RELL1: variants seen among roughly 807,000 people sequenced by gnomAD.
The protein encoded by RELL1 is RELT like 1.
In RELL1, 10 loss-of-function variants were observed where a neutral mutation model predicts 23.0. The observed-to-expected ratio is 0.43, with a 90% CI of 0.27 to 0.74. The LOEUF (loss-of-function observed/expected upper bound fraction) is 0.74. RELL1 is among the 30% of genes least tolerant of loss of function. The pLI is 0.19. For synonymous variants in RELL1, 146 were observed against 146.8 expected (o/e 0.99, Z 0.04); for missense variants, 315 against 364.4 (o/e 0.86, Z 1.10).
chr4:37,629,036 A>G (rs141558383), intron 6 of RELL1, among the ~76,000 whole-genome samples: 1 of 152,332 alleles, frequency 6.6e-6, no homozygotes, highest in East Asian at 1.9e-4. Flanking sequence ...AGTGGTGGCC[A>G]AAATCAGCCA....
rs537478203 is a variant in RELL1, at chr4:37,682,193, A to G, written c.88+4007T>C. 4.6e-5 allele frequency among the ~76,000 whole-genome samples: 7 copies of G among 152,336 alleles called. No homozygotes were observed. The South Asian group carries it at 1.4e-3, about 32-fold the overall frequency. ...ACCGCCTGCACACAAACCAGGTAAT[A>G]ATAAAAATTGAATTCCTTTTTCCTA... On this transcript the variant is annotated intron_variant, in intron 1 of 6. Coordinates refer to ENST00000454158, the MANE Select transcript of RELL1 (RefSeq NM_001085400.2).
At chr4:37,659,485 A>T (rs1431996948) in intron 1 of RELL1, among the ~76,000 whole-genome samples, 1 of 152,140 alleles carries the variant, frequency 6.6e-6, no homozygotes, top group East Asian at 1.9e-4. Context: ...CATTTCTCAC[A>T]CCCAGTGGGC....
intron 1 of RELL1, among the ~76,000 whole-genome samples, chr4:37,682,201 T>C (rs1016254108): frequency 3.3e-5 from 5 of 152,180 alleles, no homozygotes; most frequent in African/African-American, 7.2e-5. Flanking sequence ...ATAATAAAAA[T>C]TGAATTCCTT....
At chr4:37,586,522 G>GA (rs1161037475), downstream of RELL1, among the ~76,000 whole-genome samples, 1 of 152,210 alleles carries the variant, frequency 6.6e-6, no homozygotes, top group Admixed American at 6.5e-5. Flanking sequence ...GAGTTGGAAG[G>GA]ACAAGGGGTT....
At chr4:37,668,430 C>A (rs1353228978) in intron 1 of RELL1, among the ~76,000 whole-genome samples, 1 of 152,166 alleles carries the variant, frequency 6.6e-6, no homozygotes, top group Non-Finnish European at 1.5e-5. Flanking sequence ...GTTGGCCAGG[C>A]TGGTCTCCAG....
intron 3 of RELL1, among the ~76,000 whole-genome samples, chr4:37,645,223 C>T (rs138861988): frequency 1.6e-4 from 24 of 152,270 alleles, no homozygotes; most frequent in Non-Finnish European, 3.1e-4. Flanking sequence ...TTTAGAAGCC[C>T]GGGTCCCAAA....
At chr4:37,657,230 C>T (rs900259752) in intron 1 of RELL1, among the ~76,000 whole-genome samples, 1 of 152,044 alleles carries the variant, frequency 6.6e-6, no homozygotes, top group African/African-American at 2.4e-5. Context: ...GAAAAACAAT[C>T]CACAGAAGCT....
At chr4:37,665,096 T>C (rs1286292057) in intron 1 of RELL1, 1 of 372,128 alleles carries the variant, frequency 2.7e-6, no homozygotes, top group East Asian at 7.3e-5. Flanking sequence ...ATTCTCTCAT[T>C]GCAGAAGGGC....
At chr4:37,623,337 G>A (rs1430912474) in intron 6 of RELL1, 1 of 153,732 alleles carries the variant, frequency 6.5e-6, no homozygotes, top group African/African-American at 2.4e-5. Flanking sequence ...GTGAGCTATT[G>A]AGCTATGTGA....
At chr4:37,629,680 G>T (rs1419853643) in intron 6 of RELL1, among the ~76,000 whole-genome samples, 1 of 152,118 alleles carries the variant, frequency 6.6e-6, no homozygotes, top group Non-Finnish European at 1.5e-5. Context: ...AACCGCGAGG[G>T]CTAACTAACA....
At position 37,643,443 on chromosome 4, in the gene RELL1, G is replaced by C. The variant is rs1166869196; in HGVS notation, c.385+3925C>G. Among the ~76,000 whole-genome samples the C allele has an allele frequency of 2.0e-5, 3 of 152,304 alleles. 1 individual carries two copies. The highest frequency in any genetic ancestry group is 2.0e-4 in the Admixed American group (3 of 15,306). ...CCATTTGCCAAACTTAAAATGCGAAGCAGAAACCATTCATATATCATGATT... is the reference window on the plus strand; with the variant it reads ...CCATTTGCCAAACTTAAAATGCGAACCAGAAACCATTCATATATCATGATT... On this transcript the variant is annotated intron_variant, in intron 3 of 6. Coordinates refer to ENST00000454158, the MANE Select transcript of RELL1 (RefSeq NM_001085400.2).
chr4:37,646,215 T>G (rs1426052472), intron 3 of RELL1, among the ~76,000 whole-genome samples: 2 of 152,218 alleles, frequency 1.3e-5, no homozygotes, highest in Non-Finnish European at 2.9e-5. Context: ...GAGGGCATGG[T>G]GTGCTATGGA....
Position 37,681,052 on chromosome 4 carries a change from T to C in RELL1, c.88+5148A>G, listed in dbSNP as rs544139410. ...TCTCGCTCCTTCCTCCCACAAACTT[T>C]AGATCTTTGGGGAAATTTTCCAAAA... On this transcript the variant is annotated intron_variant, in intron 1 of 6. Coordinates refer to ENST00000454158, the MANE Select transcript of RELL1 (RefSeq NM_001085400.2). Among the ~76,000 whole-genome samples the C allele has an allele frequency of 2.6e-5, 4 of 152,244 alleles. No homozygotes were observed. In the South Asian group the frequency reaches 8.3e-4, roughly 32 times the overall value.
At chr4:37,644,367 G>A (rs902444688) in intron 3 of RELL1, among the ~76,000 whole-genome samples, 3 of 151,782 alleles carry the variant, frequency 2.0e-5, no homozygotes, top group Admixed American at 6.6e-5. Context: ...CTTATCCTCT[G>A]GGTCGCTGTT....
intron 6 of RELL1, among the ~76,000 whole-genome samples, chr4:37,624,229 C>CT (rs1291710985): frequency 2.6e-5 from 4 of 152,120 alleles, no homozygotes; most frequent in Non-Finnish European, 5.9e-5. Flanking sequence ...AAAGAGGAGA[C>CT]TTTTATTCCA....
At chr4:37,638,562 C>T in intron 3 of RELL1, 58 bp from the exon 4 acceptor site, 2 of 1,310,596 alleles carry the variant, frequency 1.5e-6, no homozygotes, top group Non-Finnish European at 2.1e-6. Flanking sequence ...TGAGTAATCA[C>T]ATCAGAAAAG....
chr4:37,685,035 G>A (rs1329830715), intron 1 of RELL1, among the ~76,000 whole-genome samples: 1 of 152,168 alleles, frequency 6.6e-6, no homozygotes, highest in Admixed American at 6.5e-5. Context: ...ATGGCTAACG[G>A]AAATACGGGC....
intron 1 of RELL1, among the ~76,000 whole-genome samples, chr4:37,679,528 A>G (rs1722135484): frequency 6.6e-6 from 1 of 152,210 alleles, no homozygotes. Context: ...GATGTGCTTC[A>G]AAGTTCAAAC....
rs557716165 is a variant in RELL1, at chr4:37,681,685, C to T, written c.88+4515G>A. On this transcript the variant is annotated intron_variant, in intron 1 of 6. Coordinates refer to ENST00000454158, the MANE Select transcript of RELL1 (RefSeq NM_001085400.2). ...CTGGGACTACAGGCATGTGCCACCA[C>T]ATCCAACTAATTTTTGTATTTCTAG... Among the ~76,000 whole-genome samples, 172 of 152,262 alleles carry T rather than the reference C, an allele frequency of 1.1e-3. 1 individual carries two copies. The highest frequency in any genetic ancestry group is 4.0e-3 in the African/African-American group (168 of 41,548).
Sources: allele counts gnomAD v4.1 joint callset (sites outside exome capture counted in the v4.1 genomes callset), GRCh38; gene constraint gnomAD v4.1.1; transcripts MANE v1.5; gene names NCBI Gene and HGNC (gene_info 2026-07-23, HGNC 2026-07-21).